CNTNAP5: variants seen among roughly 807,000 people sequenced by gnomAD.
The protein encoded by CNTNAP5 is contactin-associated protein-like 5.
Under a neutral mutation model 150.2 loss-of-function variants are expected in CNTNAP5, and 72 were observed. That is an observed-to-expected ratio of 0.48 (90% CI 0.40 to 0.58). The LOEUF is 0.58. Among genes scored for constraint, CNTNAP5 ranks in the 20% least tolerant of loss-of-function variants. The pLI is 0.00. For missense variants in CNTNAP5, 1,636 were observed against 1,626.2 expected (o/e 1.01, Z -0.10); for synonymous variants, 672 against 619.8 (o/e 1.08, Z -1.25).
At chr2:124,570,261 G>A (rs779356709) in intron 11 of CNTNAP5, among the ~76,000 whole-genome samples, 20 of 152,188 alleles carry the variant, frequency 1.3e-4, no homozygotes, top group Non-Finnish European at 2.5e-4. Flanking sequence ...ACTTTCTTGA[G>A]AAAGTGAGAA....
chr2:124,458,562 G>A (rs1243496972), intron 6 of CNTNAP5, among the ~76,000 whole-genome samples: 1 of 151,720 alleles, frequency 6.6e-6, no homozygotes, highest in Non-Finnish European at 1.5e-5. Context: ...CACAAATTGG[G>A]TGCCTTGTAT....
intron 3 of CNTNAP5, among the ~76,000 whole-genome samples, chr2:124,366,437 T>C (rs140986666): frequency 4.6e-4 from 70 of 152,260 alleles, no homozygotes; most frequent in Admixed American, 1.5e-3. Context: ...CCAATTGACA[T>C]TGAAATTCCT....
chr2:124,332,725 C>T (rs115578254), intron 3 of CNTNAP5, among the ~76,000 whole-genome samples: 4,228 of 151,952 alleles, frequency 0.028, 217 homozygotes, highest in African/African-American at 0.096. Flanking sequence ...AAGTTCATTT[C>T]TAAACTTTTA....
intron 12 of CNTNAP5, among the ~76,000 whole-genome samples, chr2:124,635,269 CT>C (rs1403893576): frequency 6.6e-6 from 1 of 152,070 alleles, no homozygotes; most frequent in Non-Finnish European, 1.5e-5. Context: ...AGGCTACACA[CT>C]TTTAAACAAC....
intron 13 of CNTNAP5, among the ~76,000 whole-genome samples, chr2:124,744,942 T>C (rs1680573829): frequency 6.6e-6 from 1 of 152,204 alleles, no homozygotes; most frequent in African/African-American, 2.4e-5. Context: ...ATACATAATT[T>C]TTTGTTCTCT....
At chr2:124,721,785 T>G (rs1327567254) in intron 13 of CNTNAP5, among the ~76,000 whole-genome samples, 1 of 152,184 alleles carries the variant, frequency 6.6e-6, no homozygotes, top group Admixed American at 6.5e-5. Flanking sequence ...TTTAGTTTGC[T>G]AGGGTTGCCA....
At chr2:124,362,780 C>T (rs769227156) in intron 3 of CNTNAP5, among the ~76,000 whole-genome samples, 15 of 152,198 alleles carry the variant, frequency 9.9e-5, no homozygotes, top group African/African-American at 2.7e-4. Context: ...CTTAGCTCAA[C>T]GTACACCCAA....
intron 3 of CNTNAP5, among the ~76,000 whole-genome samples, chr2:124,319,988 AT>A (rs1689059801): frequency 6.6e-6 from 1 of 152,244 alleles, no homozygotes; most frequent in Admixed American, 6.5e-5. Context: ...CTCCAAGTCA[AT>A]AGATATGATA....
intron 19 of CNTNAP5, among the ~76,000 whole-genome samples, chr2:124,827,587 C>T (rs1279913276): frequency 1.3e-5 from 2 of 152,132 alleles, no homozygotes; most frequent in Non-Finnish European, 2.9e-5. Flanking sequence ...ACCCTGGTGT[C>T]ACAGTATCTG....
chr2:124,896,147 A>T (rs1678300029), intron 21 of CNTNAP5, among the ~76,000 whole-genome samples: 1 of 151,598 alleles, frequency 6.6e-6, no homozygotes, highest in Non-Finnish European at 1.5e-5. Flanking sequence ...AATATTAATG[A>T]AGTTCTAATC....
chr2:124,335,873 T>G (rs1279916566), intron 3 of CNTNAP5, among the ~76,000 whole-genome samples: 1 of 151,980 alleles, frequency 6.6e-6, no homozygotes, highest in Non-Finnish European at 1.5e-5. Context: ...CAAAACACCT[T>G]CTACCTCACC....
At chr2:124,187,275 A>G (rs889749045) in intron 1 of CNTNAP5, among the ~76,000 whole-genome samples, 9 of 152,176 alleles carry the variant, frequency 5.9e-5, no homozygotes, top group Admixed American at 5.2e-4. Context: ...AATAAATATT[A>G]CCCATCATGC....
chr2:124,288,594 G>T (rs1391126346), intron 3 of CNTNAP5, among the ~76,000 whole-genome samples: 1 of 152,058 alleles, frequency 6.6e-6, no homozygotes, highest in East Asian at 1.9e-4. Context: ...ACTTCCTTCA[G>T]CATGCTTTGG....
chr2:124,592,830 CT>C (rs1696726657), intron 11 of CNTNAP5, among the ~76,000 whole-genome samples: 1 of 151,878 alleles, frequency 6.6e-6, no homozygotes, highest in Non-Finnish European at 1.5e-5. Context: ...TTATTTTTAA[CT>C]TGTAAAAGTA....
At chr2:124,322,802 A>G (rs1225292049) in intron 3 of CNTNAP5, among the ~76,000 whole-genome samples, 1 of 152,166 alleles carries the variant, frequency 6.6e-6, no homozygotes, top group Non-Finnish European at 1.5e-5. Flanking sequence ...TGGATCCCAC[A>G]ACCTCACCAG....
intron 1 of CNTNAP5, among the ~76,000 whole-genome samples, chr2:124,175,477 C>T (rs757625023): frequency 1.3e-5 from 2 of 151,964 alleles, no homozygotes; most frequent in Admixed American, 6.6e-5. Context: ...ATGGGGTACA[C>T]GTACAAGTTT....
At chr2:124,490,342 A>G (rs1013432621) in intron 7 of CNTNAP5, among the ~76,000 whole-genome samples, 18 of 150,780 alleles carry the variant, frequency 1.2e-4, no homozygotes, top group Non-Finnish European at 1.3e-4. Flanking sequence ...TTTCAGAAAA[A>G]AAAAAGAAGA....
intron 19 of CNTNAP5, among the ~76,000 whole-genome samples, chr2:124,826,154 T>A: frequency 6.6e-6 from 1 of 152,196 alleles, no homozygotes; most frequent in East Asian, 1.9e-4. Flanking sequence ...ATTACTACAT[T>A]AATTATTAAA....
At chr2:124,056,548 A>G (rs1402503988) in intron 1 of CNTNAP5, among the ~76,000 whole-genome samples, 2 of 152,196 alleles carry the variant, frequency 1.3e-5, no homozygotes, top group Non-Finnish European at 2.9e-5. Flanking sequence ...CAGGCGGCTG[A>G]GGCAGGAGAA....
Sources: gnomAD v4.1 joint callset for allele counts (sites outside exome capture counted in the v4.1 genomes callset) on GRCh38, gnomAD v4.1.1 for gene constraint, MANE v1.5 for transcripts, NCBI Gene and HGNC (gene_info 2026-07-23, HGNC 2026-07-21) for gene names.